MUSK: variants seen among roughly 807,000 people sequenced by gnomAD.
MUSK encodes muscle associated receptor tyrosine kinase.
A neutral mutation model predicts 88.7 loss-of-function variants in MUSK; 55 were observed. That is an observed-to-expected ratio of 0.62 (90% CI 0.50 to 0.78). The LOEUF is 0.78. Ranked by LOEUF, MUSK falls within the 30% of genes least tolerant of loss-of-function variation. MUSK has a pLI of 0.00. For synonymous variants in MUSK, 387 were observed against 391.9 expected (o/e 0.99, Z 0.15); for missense variants, 1,015 against 1,074.3 (o/e 0.94, Z 0.77).
At chr9:110,689,989 A>AAAC (rs2076297039) in intron 3 of MUSK, among the ~76,000 whole-genome samples, 1 of 87,950 alleles carries the variant, frequency 1.1e-5, no homozygotes. Context: ...TAAATATTAT[A>AAAC]ATTATATATT....
chr9:110,760,229 T>C (rs1309947476), intron 7 of MUSK, among the ~76,000 whole-genome samples: 1 of 152,126 alleles, frequency 6.6e-6, no homozygotes, highest in Non-Finnish European at 1.5e-5. Context: ...CAAAGGAATA[T>C]AAATCAGTCT....
intron 14 of MUSK, among the ~76,000 whole-genome samples, chr9:110,789,491 G>A (rs1429535475): frequency 6.6e-6 from 1 of 152,180 alleles, no homozygotes; most frequent in African/African-American, 2.4e-5. Flanking sequence ...TAAAGATGTG[G>A]TTTTTGTCCA....
intron 11 of MUSK, among the ~76,000 whole-genome samples, chr9:110,784,352 G>A (rs7031084): frequency 0.045 from 6,772 of 152,140 alleles, 547 homozygotes; most frequent in African/African-American, 0.16. Context: ...GTTTTTAGAT[G>A]AATTAACTTC....
chr9:110,676,308 A>T (rs750473755), intron 1 of MUSK, among the ~76,000 whole-genome samples: 243 of 131,498 alleles, frequency 1.8e-3, no homozygotes, highest in Non-Finnish European at 3.1e-3. Flanking sequence ...TGTATATGTA[A>T]GTGTATATAT....
chr9:110,734,401 G>A (rs2131840578), intron 6 of MUSK, 26 bp downstream of exon 6: 3 of 1,612,750 alleles, frequency 1.9e-6, no homozygotes, highest in East Asian at 4.5e-5. Context: ...GTGGGGACTT[G>A]TCTGGGGAAG....
chr9:110,680,383 C>CT (rs11461650), intron 1 of MUSK, among the ~76,000 whole-genome samples: 97,379 of 141,548 alleles, frequency 0.69, 34,525 homozygotes, highest in African/African-American at 0.85. Flanking sequence ...TTCTTTTTTT[C>CT]TTTTTTTTTT....
chr9:110,767,783 G>C (rs1488520496), intron 8 of MUSK, 37 bp from the exon 9 acceptor site: 1 of 1,611,296 alleles, frequency 6.2e-7, no homozygotes, highest in Non-Finnish European at 8.5e-7. Context: ...CCAAGAAATA[G>C]CATGTGATTA....
intron 4 of MUSK, among the ~76,000 whole-genome samples, chr9:110,696,932 A>G (rs1316605815): frequency 6.6e-6 from 1 of 151,466 alleles, no homozygotes; most frequent in Non-Finnish European, 1.5e-5. Context: ...ATAGTTTTGT[A>G]TGTCTCACCA....
intron 5 of MUSK, among the ~76,000 whole-genome samples, chr9:110,729,345 G>GA (rs1564249912): frequency 4.5e-5 from 4 of 88,724 alleles, no homozygotes; most frequent in African/African-American, 8.5e-5. Context: ...AAAAAAAAAA[G>GA]AAAAAAGAAA....
intron 5 of MUSK, among the ~76,000 whole-genome samples, chr9:110,709,029 A>G (rs1031124097): frequency 1.3e-5 from 2 of 152,148 alleles, no homozygotes; most frequent in Admixed American, 1.3e-4. Flanking sequence ...CTTTCTATTC[A>G]ATGCATTAGT....
At chr9:110,754,050 C>T (rs1045122723) in intron 7 of MUSK, among the ~76,000 whole-genome samples, 10 of 152,218 alleles carry the variant, frequency 6.6e-5, no homozygotes, top group African/African-American at 2.4e-4. Context: ...CTTCAACCAT[C>T]ATAGGTAAAG....
At chr9:110,728,699 C>T (rs752075435) in intron 5 of MUSK, 7 of 1,585,966 alleles carry the variant, frequency 4.4e-6, no homozygotes, top group Non-Finnish European at 6.0e-6. Flanking sequence ...AGAAAGTGAA[C>T]CCGAACAAGA....
chr9:110,790,440 G>A (rs1356995669), intron 14 of MUSK, among the ~76,000 whole-genome samples: 1 of 152,232 alleles, frequency 6.6e-6, no homozygotes, highest in Non-Finnish European at 1.5e-5. Context: ...GTAAATTAAT[G>A]AGAATGATCC....
chr9:110,718,693 C>T (rs772970255), intron 5 of MUSK, among the ~76,000 whole-genome samples: 3 of 151,988 alleles, frequency 2.0e-5, no homozygotes, highest in South Asian at 2.1e-4. Context: ...TCCCTGGCCT[C>T]GCTAGAGATC....
chr9:110,705,852 T>C (rs976947042), intron 5 of MUSK, among the ~76,000 whole-genome samples: 2 of 152,190 alleles, frequency 1.3e-5, no homozygotes, highest in African/African-American at 2.4e-5. Flanking sequence ...CAAAGGGCTC[T>C]AGGAGAGGAT....
At chr9:110,765,329 C>T (rs748289838) in intron 8 of MUSK, among the ~76,000 whole-genome samples, 4 of 152,134 alleles carry the variant, frequency 2.6e-5, no homozygotes, top group East Asian at 3.9e-4. Context: ...CGAGATATTA[C>T]GTCAACATGT....
At chr9:110,774,896 T>TACAC (rs2077643352) in intron 9 of MUSK, among the ~76,000 whole-genome samples, 1 of 138,650 alleles carries the variant, frequency 7.2e-6, no homozygotes, top group African/African-American at 2.7e-5. Flanking sequence ...CACACACTCT[T>TACAC]ACAATTTCCT....
At chr9:110,720,033 T>C (rs184924601) in intron 5 of MUSK, among the ~76,000 whole-genome samples, 36 of 152,168 alleles carry the variant, frequency 2.4e-4, no homozygotes, top group Non-Finnish European at 5.3e-4. Context: ...TTAAAAATTA[T>C]TTGGACTGAA....
At chr9:110,680,447 G>A (rs1019256446) in intron 1 of MUSK, among the ~76,000 whole-genome samples, 6 of 148,888 alleles carry the variant, frequency 4.0e-5, no homozygotes, top group Non-Finnish European at 5.9e-5. Context: ...GCAGTGGTGC[G>A]ATCTCAGCTC....
Sources: gnomAD v4.1 joint callset for allele counts (sites outside exome capture counted in the v4.1 genomes callset) on GRCh38, gnomAD v4.1.1 for gene constraint, MANE v1.5 for transcripts, NCBI Gene and HGNC (gene_info 2026-07-23, HGNC 2026-07-21) for gene names.